The following HYOU1 variants were observed in gnomAD, a reference collection of about 807,000 sequenced individuals.
The protein encoded by HYOU1 is hypoxia up-regulated protein 1.
A neutral mutation model predicts 120.5 loss-of-function variants in HYOU1; 40 were observed. The observed-to-expected ratio is 0.33, with a 90% CI of 0.26 to 0.43. The LOEUF (loss-of-function observed/expected upper bound fraction) is 0.43, where lower values mean the gene tolerates loss of function less well. Among genes scored for constraint, HYOU1 ranks in the 20% least tolerant of loss-of-function variants. The pLI is 1.00. For synonymous variants in HYOU1, 501 were observed against 479.4 expected, an observed-to-expected ratio of 1.05 and a Z score of -0.59; for missense variants, 1,085 against 1,278.3, an observed-to-expected ratio of 0.85 and a Z score of 2.31.
rs1944706658 is a variant in HYOU1 at position 119,055,597 on chromosome 11, G to A, written c.186-26C>T. The stretch of plus-strand genomic sequence containing the variant: ...CTGAGGAAAAGAGATTTTGGGCCCA[G>A]GTGCCTGCAGCAGAAGGACTCAGAA... On this transcript the variant is annotated intron_variant, in intron 3 of 25. Coordinates refer to ENST00000617285, the MANE Select transcript of HYOU1 (RefSeq NM_006389.5). This position sits in a 1 kb window ranked among gnomAD's most constrained non-coding sequence, Gnocchi z 4.0. The A allele has an allele frequency of 2.5e-6, 4 of 1,601,398 alleles. No individual in the cohort carries two copies. The highest frequency in any genetic ancestry group is 3.4e-6 in the Non-Finnish European group (4 of 1,168,600).
chr11:119,048,637 C>T lies in HYOU1; in HGVS notation c.2166-74G>A. 1 of 1,607,412 alleles carries T rather than the reference C, an allele frequency of 6.2e-7. No individual in the cohort carries two copies. On this transcript the variant is annotated intron_variant, in intron 18 of 25. Coordinates refer to ENST00000617285, the MANE Select transcript of HYOU1 (RefSeq NM_006389.5). The surrounding 1 kb of genome is among the most constrained non-coding windows in gnomAD (Gnocchi z 4.7). ...TTGAGACTCTGGGTCCGACAGCCCT[C>T]CCTCCCAGGGCGCCATCCCACATCC... is the stretch of plus-strand genomic sequence containing the variant.
Position 119,052,624 on chromosome 11 carries a change from C to T in HYOU1, c.987+13G>A, listed in dbSNP as rs2133594221. On this transcript the variant is annotated intron_variant, in intron 9 of 25. Transcript: ENST00000617285. This position sits in a 1 kb window ranked among gnomAD's most constrained non-coding sequence, Gnocchi z 5.0. ...GGGACAAAATATAGCCTCAACCAGC[C>T]ACTTGTGGGCACCTGTGCCATGTGG... 3 of 1,604,520 alleles carry T rather than the reference C, an allele frequency of 1.9e-6. No homozygotes were observed. Among genetic ancestry groups the T allele is most frequent in the Non-Finnish European group, 2.6e-6 (3 of 1,173,914 alleles).
chr11:119,052,154 T>A lies in HYOU1; in HGVS notation c.1141A>T (p.Ile381Phe). ...ACCCGAGTGGCCCCACCCACCAGGA[T>A]CACCTGCTCAATCTCATCCTGCAGT... ...EMSLDEIEQVILVGGATRVPR... is the reference protein window; with the variant it reads ...EMSLDEIEQVFLVGGATRVPR... The change falls in exon 11 of 26, where the codon ATC (isoleucine) becomes TTC (phenylalanine). Residue 381 changes from isoleucine to phenylalanine, a missense_variant. Coordinates refer to ENST00000617285, the MANE Select transcript of HYOU1 (RefSeq NM_006389.5). The surrounding 1 kb of genome is among the most constrained non-coding windows in gnomAD (Gnocchi z 5.0). 6.2e-7 allele frequency: 1 copy of A among 1,614,174 alleles called. No individual in the cohort carries two copies. The highest frequency in any genetic ancestry group is 8.5e-7 in the Non-Finnish European group (1 of 1,180,024).
rs1467590043 is a variant in HYOU1 at position 119,048,820 on chromosome 11, G to C, written c.2059C>G (p.Gln687Glu). Reference sequence around the variant, plus strand: ...ATTCGCCGCTTCCTGGCGGGCTTCTGCTTCTTCTCTCCCTCTGGGGCTGGA... The same window carrying C: ...ATTCGCCGCTTCCTGGCGGGCTTCTCCTTCTTCTCTCCCTCTGGGGCTGGA... ...VAPAPEGEKK[Q>E]KPARKRRMVE... is the part of the protein sequence containing the mutation. The change falls in exon 18 of 26, where the codon CAG becomes GAG. Residue 687 changes from glutamine to glutamate, a missense_variant. Physicochemically the swap from Gln to Glu is conservative, Grantham distance 29. Around this residue, in one of 4 missense-constraint regions of HYOU1, gnomAD observed 516 missense variants for 517.1 expected, o/e 1.00. Transcript: ENST00000617285. This position sits in a 1 kb window ranked among gnomAD's most constrained non-coding sequence, Gnocchi z 4.7. 12 of 1,614,050 alleles carry C rather than the reference G, an allele frequency of 7.4e-6. No homozygotes were observed. The East Asian group carries it at 1.3e-4, about 18-fold the overall frequency.
chr11:119,055,773 C>T lies in HYOU1; in HGVS notation c.162G>A (p.Val54=). The T allele has an allele frequency of 6.2e-7, 1 of 1,614,078 alleles. No homozygotes were observed. The highest frequency in any genetic ancestry group is 8.5e-7 in the Non-Finnish European group (1 of 1,179,928). Reference sequence around the variant, plus strand: ...ACTTATTCAAGACAATTTCCATGGGCACTCCAGGTTTGACAATGGCCACCT... The same window carrying T: ...ACTTATTCAAGACAATTTCCATGGGTACTCCAGGTTTGACAATGGCCACCT... ...SMKVAIVKPG[V]PMEIVLNKES... The change falls in exon 3 of 26, where the codon GTG becomes GTA. Residue 54 remains valine, a synonymous_variant. Coordinates refer to ENST00000617285, the MANE Select transcript of HYOU1 (RefSeq NM_006389.5). The surrounding 1 kb of genome is among the most constrained non-coding windows in gnomAD (Gnocchi z 4.0).
chr11:119,052,102 T>C lies in HYOU1; in HGVS notation c.1193A>G (p.Lys398Arg), dbSNP rs118151170. The C allele has an allele frequency of 5.5e-3, 8,836 of 1,614,172 alleles. 65 individuals are homozygous for C. The highest frequency in any genetic ancestry group is 5.1e-3 in the Non-Finnish European group (5,973 of 1,180,038). Residue 398 changes from lysine to arginine, a missense_variant, in exon 11 of 26, where the codon AAG (lysine) becomes AGG (arginine). Lys to Arg is a conservative substitution (Grantham distance 26). This residue lies in a region of HYOU1 where 515 missense variants were observed against 677.8 expected (regional missense o/e 0.76). Transcript: ENST00000617285. The surrounding 1 kb of genome is among the most constrained non-coding windows in gnomAD (Gnocchi z 5.0). ...RVPRVQEVLL[K>R]AVGKEELGKN... The stretch of plus-strand genomic sequence containing the variant: ...CCCCCACACTCACTTGCCCACGGCC[T>C]TCAGCAGCACCTCCTGAACTCTGGG...
At chr11:119,049,985 T>G in intron 14 of HYOU1, 148 bp from the exon 15 acceptor site, 1 of 734,376 alleles carries the variant, frequency 1.4e-6, no homozygotes, top group South Asian at 1.6e-5. Flanking sequence ...TGGAGGTGGC[T>G]GCCCATCTCC....
chr11:119,055,348 TGAA>T lies in HYOU1; in HGVS notation c.265-12_265-10del. On this transcript the variant is annotated splice_polypyrimidine_tract_variant and intron_variant, in intron 4 of 25. Coordinates refer to ENST00000617285, the MANE Select transcript of HYOU1 (RefSeq NM_006389.5). This position sits in a 1 kb window ranked among gnomAD's most constrained non-coding sequence, Gnocchi z 4.0. ...TTTGGATTCTTAATCGCCTGAGGGG[TGAA>T]GAAGGAGCAGACTAGTATTAGGCTC... 2.5e-6 allele frequency: 4 copies of T among 1,611,794 alleles called. No individual in the cohort carries two copies. Among genetic ancestry groups the T allele is most frequent in the Non-Finnish European group, 3.4e-6 (4 of 1,178,576 alleles).
intron 21 of HYOU1, 51 bp from the exon 22 acceptor site, chr11:119,047,869 TGTGGGGA>T: frequency 6.2e-7 from 1 of 1,611,478 alleles, no homozygotes; most frequent in Non-Finnish European, 8.5e-7. Flanking sequence ...GGGCCTGGAG[TGTGGGGA>T]GTGGGAAGCT....
In HYOU1 at chr11:119,049,061, T is replaced by A; in HGVS notation, c.1949A>T (p.Glu650Val). 1 of 1,614,198 alleles carries A rather than the reference T, an allele frequency of 6.2e-7. No individual in the cohort carries two copies. The highest frequency in any genetic ancestry group is 8.5e-7 in the Non-Finnish European group (1 of 1,180,032). Residue 650 changes from glutamate (E) to valine (V), a missense_variant, in exon 17 of 26, where the codon GAA becomes GTA. Glu to Val is a moderately radical substitution (Grantham distance 121). Around this residue, in one of 4 missense-constraint regions of HYOU1, gnomAD observed 516 missense variants for 517.1 expected, o/e 1.00. Transcript: ENST00000617285. ...EPKGDATPEG[E>V]KATEKENGDK... ...CCCATTTTCTTTTTCTGTGGCCTTT[T>A]CTCCCTCAGGGGTTGCATCTCCCTT...
Position 119,051,035 on chromosome 11 carries a change from C to T in HYOU1, c.1665G>A (p.Arg555=). The T allele has an allele frequency of 8.1e-6, 13 of 1,614,194 alleles. No homozygotes were observed. The highest frequency in any genetic ancestry group is 1.0e-5 in the Non-Finnish European group (12 of 1,180,038). Residue 555 remains arginine, a splice_region_variant and synonymous_variant, in exon 14 of 26, where the codon AGG becomes AGA. Coordinates refer to ENST00000617285, the MANE Select transcript of HYOU1 (RefSeq NM_006389.5). This position sits in a 1 kb window ranked among gnomAD's most constrained non-coding sequence, Gnocchi z 4.2. ...ACACAGGGTATCCTTTAGCTCTCAC[C>T]CTGTCTAGACTGAGCACGCCACTCT... ...LDESGVLSLD[R]VESVFETLVE...
intron 16 of HYOU1, 167 bp from the exon 17 acceptor site, chr11:119,049,370 T>C (rs2133572454): frequency 6.4e-7 from 1 of 1,556,936 alleles, no homozygotes. Context: ...AGGAAGAGCA[T>C]CTGCAATGAG....
rs1186821979 is a variant in HYOU1 at position 119,045,311 on chromosome 11, C to T, written c.*282G>A. 8.5e-6 allele frequency: 5 copies of T among 588,854 alleles called. No homozygotes were observed. The highest frequency in any genetic ancestry group is 1.3e-5 in the Non-Finnish European group (4 of 314,846). 36.5% of individuals were successfully genotyped at this position (588,854 alleles called of 1,614,324 possible). A position where few individuals can be genotyped will look rare whatever the true frequency, so the allele number is the denominator to read the frequency against. ...TCTTCCTACCCACAGGCAAAGGATTCAGAAATTAATAGTGATTTTTCCCAA... is the reference window on the plus strand; with the variant it reads ...TCTTCCTACCCACAGGCAAAGGATTTAGAAATTAATAGTGATTTTTCCCAA... On this transcript the variant is annotated 3_prime_UTR_variant, in exon 26 of 26. Transcript: ENST00000617285.
chr11:119,049,600 C>A lies in HYOU1; in HGVS notation c.1762G>T (p.Gly588Cys), dbSNP rs1358329440. Reference sequence around the variant, plus strand: ...TTCTCCTTGGCATCTGGTGTGGTACCGCCTCCAAACAGGCTGGAAATGGTG... The same window carrying A: ...TTCTCCTTGGCATCTGGTGTGGTACAGCCTCCAAACAGGCTGGAAATGGTG... Reference protein sequence around the residue: ...GNTISSLFGGGTTPDAKENGT... With the variant: ...GNTISSLFGGCTTPDAKENGT... The change falls in exon 16 of 26, where the codon GGT becomes TGT. Residue 588 changes from glycine (G) to cysteine (C), a missense_variant. By Grantham distance (159) the Gly-to-Cys change is radical. This residue lies in a region of HYOU1 where 516 missense variants were observed against 517.1 expected (regional missense o/e 1.00). Coordinates refer to ENST00000617285, the MANE Select transcript of HYOU1 (RefSeq NM_006389.5). The A allele has an allele frequency of 3.1e-6, 5 of 1,614,094 alleles. No individual in the cohort carries two copies. The highest frequency in any genetic ancestry group is 4.2e-6 in the Non-Finnish European group (5 of 1,180,020).
intron 8 of HYOU1, chr11:119,053,586 A>G (rs1239498348): frequency 6.6e-6 from 1 of 152,452 alleles, no homozygotes; most frequent in Non-Finnish European, 1.5e-5. Flanking sequence ...TCTGGCTGCA[A>G]TATGAAGAAA....
chr11:119,054,875 CT>C, intron 6 of HYOU1, 108 bp downstream of exon 6: 1 of 1,229,272 alleles, frequency 8.1e-7, no homozygotes, highest in East Asian at 2.3e-5. Context: ...CAAAATCTAT[CT>C]TCAGATGTTG....
chr11:119,053,370 C>T (rs1944563263), intron 8 of HYOU1: 1 of 153,224 alleles, frequency 6.5e-6, no homozygotes, highest in African/African-American at 2.4e-5. Context: ...ACAGAGGCAA[C>T]AACGTTCATA....
rs2133565517 is a variant in HYOU1 at position 119,048,579 on chromosome 11, G to C, written c.2166-16C>G. On this transcript the variant is annotated splice_polypyrimidine_tract_variant and intron_variant, in intron 18 of 25. Coordinates refer to ENST00000617285, the MANE Select transcript of HYOU1 (RefSeq NM_006389.5). The surrounding 1 kb of genome is among the most constrained non-coding windows in gnomAD (Gnocchi z 4.7). ...GTCCTGAAGTCTATGGGACAAAGGA[G>C]GGGTAGGGATGAGGGAGAGGGCAAG... 8 of 1,613,298 alleles carry C rather than the reference G, an allele frequency of 5.0e-6. No homozygotes were observed. In the African/African-American group the frequency reaches 5.3e-5, roughly 11 times the overall value.
chr11:119,056,242 G>A (rs782755289), intron 1 of HYOU1, 75 bp from the exon 2 acceptor site: 4 of 1,035,112 alleles, frequency 3.9e-6, no homozygotes, highest in East Asian at 5.0e-5. Context: ...ATCCCAGAAC[G>A]GAGAGGCTGT....
Sources: allele counts gnomAD v4.1 joint callset, GRCh38; gene constraint gnomAD v4.1.1; regional missense constraint gnomAD v4.1.1; non-coding constraint Gnocchi (gnomAD v3.1); transcripts MANE v1.5; gene names NCBI Gene and HGNC (gene_info 2026-07-23, HGNC 2026-07-21).